The following SLC44A5 variants were observed in gnomAD, a reference collection of about 807,000 sequenced individuals.
The protein encoded by SLC44A5 is choline transporter-like protein 5.
A neutral mutation model predicts 101.8 loss-of-function variants in SLC44A5; 57 were observed. The ratio of observed to expected loss-of-function variants is 0.56; its 90% CI spans 0.45 to 0.70. The LOEUF is 0.70. Ranked by LOEUF, SLC44A5 falls within the 30% of genes least tolerant of loss-of-function variation. The pLI is 0.00. For missense variants in SLC44A5, 737 were observed against 853.1 expected (o/e 0.86, Z 1.70); for synonymous variants, 281 against 290.9 (o/e 0.97, Z 0.35).
intron 1 of SLC44A5, among the ~76,000 whole-genome samples, chr1:75,564,591 T>TTTTTTTAAAA (rs1672686700): frequency 2.4e-5 from 1 of 41,842 alleles, no homozygotes; most frequent in Admixed American, 2.1e-4. Flanking sequence ...ATTTATTTAC[T>TTTTTTTAAAA]TTTTTTTTAA....
intron 1 of SLC44A5, among the ~76,000 whole-genome samples, chr1:75,547,815 T>A (rs1330275106): frequency 1.3e-5 from 2 of 152,156 alleles, no homozygotes; most frequent in South Asian, 2.1e-4. Context: ...TCATTAGACA[T>A]CCACCTTACA....
At chr1:75,721,531 ACACCAT>A in the SLC44A5 span, among the ~76,000 whole-genome samples, 40 of 152,334 alleles carry the variant, frequency 2.6e-4, no homozygotes, top group South Asian at 7.0e-3. Context: ...CTGCTGGCTT[ACACCAT>A]CACCAATAGT....
At chr1:75,255,502 A>G (rs568359618) in intron 6 of SLC44A5, among the ~76,000 whole-genome samples, 1 of 152,142 alleles carries the variant, frequency 6.6e-6, no homozygotes, top group East Asian at 1.9e-4. Flanking sequence ...ATACAGAACA[A>G]AAAGTCAGAG....
intron 6 of SLC44A5, among the ~76,000 whole-genome samples, chr1:75,256,648 T>C (rs569455922): frequency 1.3e-5 from 2 of 152,096 alleles, no homozygotes; most frequent in Non-Finnish European, 2.9e-5. Context: ...TGGTGACAAA[T>C]CTGATCATGT....
chr1:75,211,868 C>G (rs1030343512), intron 22 of SLC44A5, among the ~76,000 whole-genome samples: 8 of 146,644 alleles, frequency 5.5e-5, no homozygotes, highest in Non-Finnish European at 1.0e-4. Context: ...CTCCCTCCTT[C>G]CCTTCCTCCC....
intron 6 of SLC44A5, among the ~76,000 whole-genome samples, chr1:75,253,067 GACA>G (rs1342417937): frequency 1.3e-5 from 2 of 152,188 alleles, no homozygotes; most frequent in Non-Finnish European, 2.9e-5. Flanking sequence ...GAGCCACAGT[GACA>G]ACAACAACAG....
intron 5 of SLC44A5, among the ~76,000 whole-genome samples, chr1:75,298,271 A>G (rs1256351817): frequency 6.6e-6 from 1 of 151,634 alleles, no homozygotes; most frequent in African/African-American, 2.4e-5. Context: ...CAGTAAGGCT[A>G]TATATAGTTC....
chr1:75,717,343 A>T, the SLC44A5 span, among the ~76,000 whole-genome samples: 3 of 150,214 alleles, frequency 2.0e-5, no homozygotes, highest in African/African-American at 7.3e-5. Context: ...CCTGTCTCAA[A>T]AAAAAAAAAA....
chr1:75,217,239 G>A (rs1646980332), intron 18 of SLC44A5, among the ~76,000 whole-genome samples: 1 of 151,946 alleles, frequency 6.6e-6, no homozygotes, highest in Non-Finnish European at 1.5e-5. Flanking sequence ...TTATATGTGA[G>A]AGTTAGTTTC....
chr1:75,242,796 G>T, intron 8 of SLC44A5, 90 bp downstream of exon 8: 1 of 1,397,212 alleles, frequency 7.2e-7, no homozygotes, highest in Middle Eastern at 1.9e-4. Context: ...GAAGATTTGG[G>T]AGCTTGTTCA....
chr1:75,372,107 G>T (rs1347890111), intron 3 of SLC44A5, among the ~76,000 whole-genome samples: 1 of 147,788 alleles, frequency 6.8e-6, no homozygotes, highest in Admixed American at 7.0e-5. Context: ...TGACACAGGA[G>T]AATTGCTTGA....
At chr1:75,388,190 ACCCTAAAAC>A (rs1478095005) in intron 3 of SLC44A5, among the ~76,000 whole-genome samples, 3 of 147,130 alleles carry the variant, frequency 2.0e-5, no homozygotes, top group African/African-American at 7.7e-5. Context: ...GTGCACATGT[ACCCTAAAAC>A]TTAAAGTGTA....
At chr1:75,651,920 G>T in the SLC44A5 span, among the ~76,000 whole-genome samples, 2 of 151,944 alleles carry the variant, frequency 1.3e-5, no homozygotes, top group Non-Finnish European at 2.9e-5. Context: ...AATAATAATT[G>T]GTCACAGCCA....
At chr1:75,375,980 G>A (rs1364471139) in intron 3 of SLC44A5, among the ~76,000 whole-genome samples, 1 of 152,252 alleles carries the variant, frequency 6.6e-6, no homozygotes, top group East Asian at 1.9e-4. Context: ...GTGGGTGTGT[G>A]CACCGTGTGC....
the SLC44A5 span, among the ~76,000 whole-genome samples, chr1:75,644,942 C>T: frequency 6.6e-6 from 1 of 152,128 alleles, no homozygotes; most frequent in Non-Finnish European, 1.5e-5. Flanking sequence ...CATGTCCCTC[C>T]AAAGGACATG....
At chr1:75,413,645 C>A (rs17097975) in intron 2 of SLC44A5, among the ~76,000 whole-genome samples, 5,325 of 152,234 alleles carry the variant, frequency 0.035, 125 homozygotes, top group Non-Finnish European at 0.052. Context: ...GGTTGTACAA[C>A]TTCCTTTCTC....
upstream of SLC44A5, among the ~76,000 whole-genome samples, chr1:75,612,604 A>T (rs1675702874): frequency 6.6e-6 from 1 of 152,096 alleles, no homozygotes; most frequent in Admixed American, 6.6e-5. Context: ...TTTCTGGTTC[A>T]TATTATTTGT....
At chr1:75,410,549 T>A (rs77572778) in intron 2 of SLC44A5, among the ~76,000 whole-genome samples, 2,671 of 152,228 alleles carry the variant, frequency 0.018, 84 homozygotes, top group African/African-American at 0.061. Context: ...ATTAGAACTG[T>A]CTTTTGAATA....
At chr1:75,274,302 T>C (rs1277880549) in intron 6 of SLC44A5, among the ~76,000 whole-genome samples, 1 of 151,730 alleles carries the variant, frequency 6.6e-6, no homozygotes, top group Non-Finnish European at 1.5e-5. Context: ...AGAGGGAAGG[T>C]TTTCTAAAAA....
Sources: gnomAD v4.1 joint callset for allele counts (sites outside exome capture counted in the v4.1 genomes callset) on GRCh38, gnomAD v4.1.1 for gene constraint, MANE v1.5 for transcripts, NCBI Gene and HGNC (gene_info 2026-07-23, HGNC 2026-07-21) for gene names.